Variants in PDGFA observed in about 807,000 individuals in gnomAD.
The protein encoded by PDGFA is platelet derived growth factor subunit A, also known as platelet-derived growth factor subunit A.
In PDGFA, 9 loss-of-function variants were observed where a neutral mutation model predicts 25.6. The ratio of observed to expected loss-of-function variants is 0.35; its 90% CI spans 0.21 to 0.61. PDGFA has a LOEUF of 0.61. Ranked by LOEUF, PDGFA falls within the 20% of genes least tolerant of loss-of-function variation. The pLI, the probability that PDGFA is intolerant of heterozygous loss-of-function variation, is 0.75. For missense variants in PDGFA, 242 were observed against 272.8 expected (o/e 0.89, Z 0.79); for synonymous variants, 133 against 111.8 (o/e 1.19, Z -1.20).
chr7:503,164 C>G (rs1490350015), intron 4 of PDGFA, among the ~76,000 whole-genome samples: 1 of 152,184 alleles, frequency 6.6e-6, no homozygotes, highest in East Asian at 1.9e-4. Context: ...TCTAACTAAG[C>G]CTGTCCCTAA....
In PDGFA at chr7:517,817, C is replaced by A. The variant is rs2128407940; in HGVS notation, c.64-327G>T. 6.6e-6 allele frequency among the ~76,000 whole-genome samples: 1 copy of A among 151,668 alleles called. No homozygotes were observed. Among genetic ancestry groups the A allele is most frequent in the Non-Finnish European group, 1.5e-5 (1 of 67,948 alleles). ...CAGTTACAGAAGGTCTAGGGGGCAG[C>A]GAGGGGGCCGAAAGTTTCTGATTTA... On this transcript the variant is annotated intron_variant, in intron 1 of 5. Coordinates refer to ENST00000402802, the Ensembl canonical transcript of PDGFA. The surrounding 1 kb of genome is among the most constrained non-coding windows in gnomAD (Gnocchi z 7.4).
intron 4 of PDGFA, among the ~76,000 whole-genome samples, chr7:501,797 G>T (rs897186591): frequency 4.6e-5 from 7 of 152,278 alleles, no homozygotes; most frequent in South Asian, 2.1e-4. Context: ...TGCCTGGGGG[G>T]GCTGAAGGAT....
In PDGFA at chr7:500,611, G is replaced by A. The variant is rs1014971894; in HGVS notation, c.580+505C>T. On this transcript the variant is annotated intron_variant, in intron 5 of 5. Coordinates refer to ENST00000402802, the Ensembl canonical transcript of PDGFA. The surrounding 1 kb of genome is among the most constrained non-coding windows in gnomAD (Gnocchi z 5.0). ...TTTATCTTTCCAGAAGAGAAGGCCA[G>A]CACCCTGGCACCGAGAAACTTCTGA... 23 of 1,533,418 alleles carry A rather than the reference G, an allele frequency of 1.5e-5. No homozygotes were observed. The highest frequency in any genetic ancestry group is 2.0e-5 in the Non-Finnish European group (23 of 1,144,880). 95.0% of individuals were successfully genotyped at this position (1,533,418 alleles called of 1,614,324 possible). A position where few individuals can be genotyped will look rare whatever the true frequency, so the allele number is the denominator to read the frequency against.
At position 501,118 on chromosome 7, in the gene PDGFA, G is replaced by A. The variant is rs750546956; in HGVS notation, c.578C>T (p.Thr193Met). The change falls in exon 5 of 6, where the codon ACG becomes ATG. Residue 193 changes from threonine to methionine, a missense_variant and splice_region_variant. By Grantham distance (81) the Thr-to-Met change is moderately conservative. This residue lies in a region of PDGFA where 27 missense variants were observed against 26.0 expected (regional missense o/e 1.04). Coordinates refer to ENST00000402802, the Ensembl canonical transcript of PDGFA. ...TGCCGACGAAGGCAGCCACTCACCC[G>A]TGTCCTCTTCCCGATAATCCGGATT... 47 of 1,614,046 alleles carry A rather than the reference G, an allele frequency of 2.9e-5. No individual in the cohort carries two copies. Among genetic ancestry groups the A allele is most frequent in the Middle Eastern group, 1.6e-4 (1 of 6,084 alleles).
At chr7:504,873 G>A (rs953795596) in intron 4 of PDGFA, among the ~76,000 whole-genome samples, 16 of 152,202 alleles carry the variant, frequency 1.1e-4, no homozygotes, top group Admixed American at 5.2e-4. Context: ...TCAACCACTC[G>A]AGATGGCCGG....
chr7:519,121 G>C (rs1783246268), exon 1 of PDGFA: 3 of 673,632 alleles, frequency 4.5e-6, no homozygotes, highest in Non-Finnish European at 7.0e-6. Context: ...CCGGAGGAGG[G>C]TGGCGCGGGG....
rs141553059 is a variant in PDGFA at position 502,882 on chromosome 7, T to A, written c.454-1640A>T. Among the ~76,000 whole-genome samples the A allele has an allele frequency of 3.2e-3, 484 of 149,016 alleles. 11 individuals are homozygous for A. Among genetic ancestry groups the A allele is most frequent in the Non-Finnish European group, 1.3e-3 (85 of 67,134 alleles). ...CACACACCTGTATAATGCACACACA[T>A]ACCCTGTCATGGGGAGGCAACTCCA... On this transcript the variant is annotated intron_variant, in intron 4 of 5. Coordinates refer to ENST00000402802, the Ensembl canonical transcript of PDGFA.
intron 4 of PDGFA, among the ~76,000 whole-genome samples, chr7:508,354 C>A (rs1484544884): frequency 6.6e-6 from 1 of 151,804 alleles, no homozygotes; most frequent in Non-Finnish European, 1.5e-5. Context: ...TGACTTGAGC[C>A]CAGGGGGTCC....
rs765239476 is a variant in PDGFA at position 512,466 on chromosome 7, AAGG to A, written c.161-14_161-12del. 57 of 1,613,294 alleles carry A rather than the reference AAGG, an allele frequency of 3.5e-5. No individual in the cohort carries two copies. Among genetic ancestry groups the A allele is most frequent in the Non-Finnish European group, 4.6e-5 (54 of 1,179,952 alleles). On this transcript the variant is annotated splice_polypyrimidine_tract_variant and intron_variant, in intron 2 of 5. Transcript: ENST00000402802. ...AAGAATCCTCACTCCCTGCAGGCGGAAGGAGAACACCGTGAATGCCCCAGGCCC... is the reference window on the plus strand; with the variant it reads ...AAGAATCCTCACTCCCTGCAGGCGGAAGAACACCGTGAATGCCCCAGGCCC...
exon 6 of PDGFA, chr7:497,974 C>CAAAAAAAAAAAAAAAA (rs1441173160): frequency 1.8e-5 from 1 of 54,964 alleles, no homozygotes; most frequent in Non-Finnish European, 3.3e-5. Flanking sequence ...AAAAAAAAAA[C>CAAAAAAAAAAAAAAAA]AAAACAAAAA....
At chr7:512,023 G>A (rs1157073827) in intron 3 of PDGFA, among the ~76,000 whole-genome samples, 1 of 152,216 alleles carries the variant, frequency 6.6e-6, no homozygotes, top group Non-Finnish European at 1.5e-5. Flanking sequence ...AGGCTCCTGG[G>A]GACAGGCCCC....
intron 5 of PDGFA, among the ~76,000 whole-genome samples, chr7:499,640 G>C (rs1208394279): frequency 6.6e-6 from 1 of 150,834 alleles, no homozygotes; most frequent in African/African-American, 2.4e-5. Context: ...CCTTGCAGTG[G>C]AGGGATGGCA....
exon 1 of PDGFA, chr7:519,004 C>G (rs374655257): frequency 6.5e-7 from 1 of 1,530,640 alleles, no homozygotes; most frequent in South Asian, 1.2e-5. Context: ...GTCCTCATCG[C>G]GTCCCGAGGC....
intron 1 of PDGFA, chr7:518,614 C>G (rs1473841083): frequency 4.4e-5 from 14 of 319,638 alleles, no homozygotes; most frequent in Admixed American, 3.5e-4. Flanking sequence ...CCCCCTTCCC[C>G]GCTCCCCGCA....
chr7:516,509 T>C (rs900067131), intron 2 of PDGFA, among the ~76,000 whole-genome samples: 1 of 152,204 alleles, frequency 6.6e-6, no homozygotes, highest in Non-Finnish European at 1.5e-5. Context: ...AGCCCCTTTT[T>C]AAACCAGGTT....
intron 2 of PDGFA, among the ~76,000 whole-genome samples, chr7:516,105 C>G (rs956942453): frequency 5.6e-5 from 8 of 142,892 alleles, no homozygotes; most frequent in Non-Finnish European, 4.5e-5. Flanking sequence ...GATTCCCCCC[C>G]ACAAACCAGA....
At chr7:507,986 G>A (rs1782634952) in intron 4 of PDGFA, among the ~76,000 whole-genome samples, 1 of 152,122 alleles carries the variant, frequency 6.6e-6, no homozygotes, top group African/African-American at 2.4e-5. Context: ...GGGAGTGAGT[G>A]GCCTTGGAGA....
chr7:515,012 G>A (rs1426980889), intron 2 of PDGFA, among the ~76,000 whole-genome samples: 1 of 152,228 alleles, frequency 6.6e-6, no homozygotes, highest in Non-Finnish European at 1.5e-5. Context: ...CTGTACAGTG[G>A]GACGCAGCCT....
chr7:500,518 G>A lies in PDGFA; in HGVS notation c.580+598C>T. On this transcript the variant is annotated intron_variant, in intron 5 of 5. Coordinates refer to ENST00000402802, the Ensembl canonical transcript of PDGFA. The surrounding 1 kb of genome is among the most constrained non-coding windows in gnomAD (Gnocchi z 5.0). ...GGCCTTCCTGTTAACAAAAGGGCAG[G>A]GCGGTGAGTGGGCCGAGGGACGGCC... The A allele has an allele frequency of 1.2e-6, 2 of 1,613,902 alleles. No individual in the cohort carries two copies. The highest frequency in any genetic ancestry group is 1.7e-6 in the Non-Finnish European group (2 of 1,180,008).
Sources: gnomAD v4.1 joint callset for allele counts (sites outside exome capture counted in the v4.1 genomes callset) on GRCh38, gnomAD v4.1.1 for gene constraint, gnomAD v4.1.1 regional missense constraint, Gnocchi (gnomAD v3.1) non-coding constraint, MANE v1.5 for transcripts, NCBI Gene and HGNC (gene_info 2026-07-23, HGNC 2026-07-21) for gene names.